ZNF804A: variants seen among roughly 807,000 people sequenced by gnomAD.
ZNF804A encodes zinc finger protein 804A.
In ZNF804A, 2 loss-of-function variants were observed where a neutral mutation model predicts 16.5. The ratio of observed to expected loss-of-function variants is 0.12; its 90% CI spans 0.05 to 0.38. The LOEUF is 0.38. Ranked by LOEUF, ZNF804A falls within the 10% of genes least tolerant of loss-of-function variation. The pLI is 0.99. For synonymous variants in ZNF804A, 534 were observed against 489.6 expected (o/e 1.09, Z -1.20); for missense variants, 1,473 against 1,390.7 (o/e 1.06, Z -0.94).
intron 2 of ZNF804A, among the ~76,000 whole-genome samples, chr2:184,921,118 C>A (rs1184881829): frequency 6.6e-6 from 1 of 152,102 alleles, no homozygotes. Context: ...CATCATTGAC[C>A]AAAGTGTTAT....
intron 1 of ZNF804A, among the ~76,000 whole-genome samples, chr2:184,757,186 T>G (rs1163888085): frequency 6.6e-6 from 1 of 152,000 alleles, no homozygotes; most frequent in East Asian, 1.9e-4. Flanking sequence ...AGCTTCCTAC[T>G]CTCATAATTC....
chr2:184,935,550 CA>C (rs1164252731), intron 3 of ZNF804A, among the ~76,000 whole-genome samples: 1 of 152,096 alleles, frequency 6.6e-6, no homozygotes, highest in Non-Finnish European at 1.5e-5. Context: ...TTGCTCATAA[CA>C]GCTATAAAAG....
chr2:184,831,066 T>C (rs1695255735), intron 1 of ZNF804A, among the ~76,000 whole-genome samples: 1 of 152,146 alleles, frequency 6.6e-6, no homozygotes, highest in Non-Finnish European at 1.5e-5. Context: ...GTATATTTCA[T>C]AAATTTTTGA....
intron 2 of ZNF804A, among the ~76,000 whole-genome samples, chr2:184,900,710 G>T (rs969159689): frequency 5.3e-5 from 8 of 152,084 alleles, no homozygotes; most frequent in Admixed American, 1.3e-4. Flanking sequence ...AATGCTTTGG[G>T]GACTGTGATA....
At chr2:184,653,330 G>A (rs1167134369) in intron 1 of ZNF804A, among the ~76,000 whole-genome samples, 2 of 152,060 alleles carry the variant, frequency 1.3e-5, no homozygotes, top group Non-Finnish European at 2.9e-5. Flanking sequence ...AAGACATTTT[G>A]GATATCCACA....
chr2:184,783,462 A>T (rs1694404062), intron 1 of ZNF804A, among the ~76,000 whole-genome samples: 1 of 151,954 alleles, frequency 6.6e-6, no homozygotes, highest in Admixed American at 6.6e-5. Context: ...ATTACAAAAT[A>T]AATTGTATTA....
intron 1 of ZNF804A, among the ~76,000 whole-genome samples, chr2:184,626,381 G>A (rs1293110724): frequency 6.6e-6 from 1 of 152,072 alleles, no homozygotes; most frequent in Non-Finnish European, 1.5e-5. Context: ...ATTATTAAAA[G>A]AATTTATGCT....
intron 1 of ZNF804A, among the ~76,000 whole-genome samples, chr2:184,802,368 C>T (rs1212571038): frequency 6.6e-6 from 1 of 152,134 alleles, no homozygotes; most frequent in Non-Finnish European, 1.5e-5. Context: ...AGTTTAAAAG[C>T]ACTTCAGAGT....
chr2:184,912,202 T>G (rs1685369121), intron 2 of ZNF804A, among the ~76,000 whole-genome samples: 1 of 152,064 alleles, frequency 6.6e-6, no homozygotes. Flanking sequence ...CTGTCTCTAT[T>G]GATTTAGCTA....
chr2:184,906,040 C>T (rs1685269284), intron 2 of ZNF804A, among the ~76,000 whole-genome samples: 1 of 152,080 alleles, frequency 6.6e-6, no homozygotes, highest in Non-Finnish European at 1.5e-5. Context: ...GTTGGAAGAA[C>T]AGTTATGGTT....
chr2:184,829,896 T>A (rs1574231792), intron 1 of ZNF804A, among the ~76,000 whole-genome samples: 4 of 68,298 alleles, frequency 5.9e-5, no homozygotes, highest in African/African-American at 1.2e-4. Flanking sequence ...ACCCTGTCTC[T>A]ACCAAAAAAA....
intron 1 of ZNF804A, among the ~76,000 whole-genome samples, chr2:184,741,927 C>G (rs1428939621): frequency 6.6e-6 from 1 of 151,994 alleles, no homozygotes; most frequent in Non-Finnish European, 1.5e-5. Flanking sequence ...TAACATTTTT[C>G]AAATTATAGA....
At chr2:184,703,775 T>G (rs1471558754) in intron 1 of ZNF804A, among the ~76,000 whole-genome samples, 1 of 151,446 alleles carries the variant, frequency 6.6e-6, no homozygotes, top group African/African-American at 2.4e-5. Context: ...AAGAGCTGTA[T>G]ATTTTGAATG....
chr2:184,835,653 C>G (rs1165704541), intron 1 of ZNF804A, among the ~76,000 whole-genome samples: 2 of 139,846 alleles, frequency 1.4e-5, no homozygotes, highest in Non-Finnish European at 3.0e-5. Context: ...TCATTTAGCT[C>G]AGGAAGGCAT....
intron 1 of ZNF804A, among the ~76,000 whole-genome samples, chr2:184,647,069 G>A (rs899286749): frequency 6.6e-6 from 1 of 152,162 alleles, no homozygotes; most frequent in African/African-American, 2.4e-5. Flanking sequence ...CTGGCTCATA[G>A]ATCAAACTAC....
chr2:184,770,598 C>A lies in ZNF804A; in HGVS notation c.112-95771C>A, dbSNP rs536408701. ...CTGGGTATATAGGTGTATAAAAAAG[C>A]GGACAAAGTTTACATCTCAAAAAGA... is the stretch of plus-strand genomic sequence containing the variant. On this transcript the variant is annotated intron_variant, in intron 1 of 3. Transcript: ENST00000302277. Among the ~76,000 whole-genome samples, 21 of 132,240 alleles carry A rather than the reference C, an allele frequency of 1.6e-4. No individual in the cohort carries two copies. The South Asian group carries it at 4.4e-3, about 28-fold the overall frequency. The allele number at this position is 132,240 out of a possible 152,430, so 86.8% of individuals were successfully genotyped here.
chr2:184,845,613 C>A (rs894944490), intron 1 of ZNF804A, among the ~76,000 whole-genome samples: 1 of 152,022 alleles, frequency 6.6e-6, no homozygotes, highest in South Asian at 2.1e-4. Context: ...TATGGAAAAC[C>A]TTTACCTCTT....
chr2:184,746,092 A>G (rs1693785977), intron 1 of ZNF804A, among the ~76,000 whole-genome samples: 2 of 151,518 alleles, frequency 1.3e-5, no homozygotes, highest in South Asian at 2.1e-4. Flanking sequence ...TTACTGAAAC[A>G]TAATATTTGA....
chr2:184,927,258 C>T (rs1465444513), intron 2 of ZNF804A, among the ~76,000 whole-genome samples: 1 of 152,222 alleles, frequency 6.6e-6, no homozygotes, highest in Non-Finnish European at 1.5e-5. Flanking sequence ...GAGATACCAC[C>T]TCCAAGGTCT....
Sources: gnomAD v4.1 joint callset for allele counts (sites outside exome capture counted in the v4.1 genomes callset) on GRCh38, gnomAD v4.1.1 for gene constraint, MANE v1.5 for transcripts, NCBI Gene and HGNC (gene_info 2026-07-23, HGNC 2026-07-21) for gene names.